The following MYO7B variants were observed in gnomAD, a reference collection of about 807,000 sequenced individuals.
MYO7B encodes unconventional myosin-VIIb.
In MYO7B, 212 loss-of-function variants were observed where a neutral mutation model predicts 259.7. The observed-to-expected ratio is 0.82, with a 90% confidence interval of 0.73 to 0.91. The LOEUF (loss-of-function observed/expected upper bound fraction) is 0.91, where lower values mean the gene tolerates loss of function less well. MYO7B is among the 40% of genes least tolerant of loss of function. The pLI is 0.00. For missense variants in MYO7B, 2,732 were observed against 2,813.5 expected, an observed-to-expected ratio of 0.97 and a Z score of 0.66; for synonymous variants, 1,197 against 1,166.4, an observed-to-expected ratio of 1.03 and a Z score of -0.54.
In MYO7B at chr2:127,608,769, G is replaced by T. The variant is rs373870541; in HGVS notation, c.2705G>T (p.Arg902Leu). The part of the protein sequence containing the change: ...KSQGALPAKK[R>L]RSIYDTVTDT... The stretch of plus-strand genomic sequence containing the variant: ...CAAGGCGCTCTCCCTGCCAAGAAGC[G>T]CAGATCCATCTACGACACCGTCACT... Residue 902 changes from arginine (R) to leucine (L), a missense_variant, in exon 22 of 48, where the codon CGC (arginine) becomes CTC (leucine). Arg to Leu is a moderately radical substitution (Grantham distance 102). This residue lies in a region of MYO7B where 1,906 missense variants were observed against 2,026.4 expected (regional missense o/e 0.94). Transcript: ENST00000409816. 6.2e-7 allele frequency: 1 copy of T among 1,613,566 alleles called. No individual in the cohort carries two copies. The highest frequency in any genetic ancestry group is 8.5e-7 in the Non-Finnish European group (1 of 1,179,842).
Position 127,633,263 on chromosome 2 carries a change from G to GGCCCCGGAAGCA in MYO7B, c.5417_5428dup (p.Arg1806_Pro1809dup), listed in dbSNP as rs1681618940. On this transcript the variant is annotated inframe_insertion, in exon 40 of 48. Transcript: ENST00000409816. The stretch of plus-strand genomic sequence containing the variant: ...GCACACGCTGTCCCCCTCAGGACGG[G>GGCCCCGGAAGCA]GCCCCGGAAGCAGCCCCCGCACCAG... The GGCCCCGGAAGCA allele has an allele frequency of 6.2e-7, 1 of 1,609,406 alleles. No individual in the cohort carries two copies. Among genetic ancestry groups the GGCCCCGGAAGCA allele is most frequent in the Non-Finnish European group, 8.5e-7 (1 of 1,178,616 alleles).
At chr2:127,602,295 T>C (rs1361326274) in intron 19 of MYO7B, among the ~76,000 whole-genome samples, 1 of 152,224 alleles carries the variant, frequency 6.6e-6, no homozygotes, top group Admixed American at 6.5e-5. Context: ...TATGTCCATT[T>C]ACCTTCTCTC....
intron 18 of MYO7B, among the ~76,000 whole-genome samples, chr2:127,594,147 G>A (rs1404926195): frequency 6.6e-6 from 1 of 152,256 alleles, no homozygotes; most frequent in African/African-American, 2.4e-5. Context: ...GCTTGTGCGA[G>A]CCTCACCACC....
At position 127,632,257 on chromosome 2, in the gene MYO7B, A is replaced by G. The variant is rs745307404; in HGVS notation, c.5261A>G (p.Glu1754Gly). ...LTHNSNRHSE[E>G]RGWQLLWLCT... The stretch of plus-strand genomic sequence containing the variant: ...GTGCTACCCTTCAGGCACAGCGAAG[A>G]GCGGGGCTGGCAGCTGCTGTGGCTG... The change falls in exon 39 of 48, where the codon GAG (glutamate) becomes GGG (glycine). Residue 1754 changes from glutamate (E) to glycine (G), a missense_variant. Physicochemically the swap from Glu to Gly is moderately conservative, Grantham distance 98. Transcript: ENST00000409816. 1 of 1,611,876 alleles carries G rather than the reference A, an allele frequency of 6.2e-7. No individual in the cohort carries two copies. Among genetic ancestry groups the G allele is most frequent in the Admixed American group, 1.7e-5 (1 of 59,918 alleles).
At chr2:127,637,295 A>AT in intron 47 of MYO7B, 21 bp from the exon 48 acceptor site, 3 of 1,483,856 alleles carry the variant, frequency 2.0e-6, no homozygotes, top group Non-Finnish European at 2.7e-6. Flanking sequence ...ACAGCCTCTG[A>AT]CCCCCCCGTC....
Position 127,577,699 on chromosome 2 carries a change from C to A in MYO7B, c.850-434C>A, listed in dbSNP as rs1441099213. On this transcript the variant is annotated intron_variant, in intron 8 of 47. Transcript: ENST00000409816. This position sits in a 1 kb window ranked among gnomAD's most constrained non-coding sequence, Gnocchi z 5.2. ...CACCTCTCGATAGGGCTGGCCCCGG[C>A]CCCTGTGGTCTGGGCACCTGTAACA... 6.6e-6 allele frequency among the ~76,000 whole-genome samples: 1 copy of A among 152,234 alleles called. No individual in the cohort carries two copies. Among genetic ancestry groups the A allele is most frequent in the Non-Finnish European group, 1.5e-5 (1 of 68,036 alleles).
In MYO7B at chr2:127,613,057, A is replaced by C. The variant is rs1375119813; in HGVS notation, c.3398+454A>C. On this transcript the variant is annotated intron_variant, in intron 26 of 47. Coordinates refer to ENST00000409816, the MANE Select transcript of MYO7B (RefSeq NM_001393586.1). The surrounding 1 kb of genome is among the most constrained non-coding windows in gnomAD (Gnocchi z 4.3). ...CCGAACATGCAGAGACTGATTGTTC[A>C]CTGCTTTAAGGGACTGACTACTGTG... 6.6e-6 allele frequency among the ~76,000 whole-genome samples: 1 copy of C among 152,246 alleles called. No homozygotes were observed. The highest frequency in any genetic ancestry group is 1.5e-5 in the Non-Finnish European group (1 of 68,044).
At chr2:127,618,147 C>T (rs2248754) in intron 26 of MYO7B, among the ~76,000 whole-genome samples, 50,496 of 152,054 alleles carry the variant, frequency 0.33, 8,856 homozygotes, top group South Asian at 0.55. Flanking sequence ...GTCCCTGTTA[C>T]GTCCCTGTCC....
intron 9 of MYO7B, among the ~76,000 whole-genome samples, chr2:127,578,543 C>A (rs1678976569): frequency 6.6e-6 from 1 of 152,174 alleles, no homozygotes; most frequent in Admixed American, 6.5e-5. Flanking sequence ...AGGGCTTCCC[C>A]CTTAAGGTTC....
rs1679234090 is a variant in MYO7B at position 127,584,720 on chromosome 2, C to T, written c.1555-58C>T. 2 of 1,596,494 alleles carry T rather than the reference C, an allele frequency of 1.3e-6. No individual in the cohort carries two copies. Among genetic ancestry groups the T allele is most frequent in the Non-Finnish European group, 1.7e-6 (2 of 1,169,648 alleles). ...CCTCCATGAGGAAGTCCCTGAGCCTCACCTCCCCATGGCTGGACTCTGGGA... is the reference window on the plus strand; with the variant it reads ...CCTCCATGAGGAAGTCCCTGAGCCTTACCTCCCCATGGCTGGACTCTGGGA... On this transcript the variant is annotated intron_variant, in intron 13 of 47. Coordinates refer to ENST00000409816, the MANE Select transcript of MYO7B (RefSeq NM_001393586.1). This position sits in a 1 kb window ranked among gnomAD's most constrained non-coding sequence, Gnocchi z 5.8.
In MYO7B at chr2:127,564,236, C is replaced by A. The variant is rs1424110726; in HGVS notation, c.102C>A (p.Gly34=). The change falls in exon 3 of 48, where the codon GGC becomes GGA. Residue 34 remains glycine (G), a synonymous_variant. Transcript: ENST00000409816. The part of the protein sequence containing the change: ...IGGIIKEAKP[G]KVLVEDDEGK... ...GCATCATCAAAGAGGCAAAGCCAGG[C>A]AAAGTCTTGGTTGAAGATGACGAGG... 3 of 1,579,420 alleles carry A rather than the reference C, an allele frequency of 1.9e-6. No homozygotes were observed. Among genetic ancestry groups the A allele is most frequent in the Admixed American group, 1.8e-5 (1 of 54,112 alleles).
At chr2:127,551,117 T>C (rs1693429578) in intron 1 of MYO7B, among the ~76,000 whole-genome samples, 1 of 152,064 alleles carries the variant, frequency 6.6e-6, no homozygotes, top group Non-Finnish European at 1.5e-5. Flanking sequence ...AAGTATATTC[T>C]CCACTGTTCT....
In MYO7B at chr2:127,580,954, C is replaced by T. The variant is rs375670085; in HGVS notation, c.1080+132C>T. ...CTTTCCCAGGGCCTATGCTCAAACC[C>T]CTCCCTTCTGTATACTGCAGGTGCC... is the stretch of plus-strand genomic sequence containing the variant. On this transcript the variant is annotated intron_variant, in intron 10 of 47. Transcript: ENST00000409816. The T allele has an allele frequency of 1.2e-5, 11 of 899,954 alleles. No homozygotes were observed. The African/African-American group carries it at 1.5e-4, about 12-fold the overall frequency. 55.7% of individuals were successfully genotyped at this position (899,954 alleles called of 1,614,324 possible).
At chr2:127,558,527 C>T (rs545887811) in intron 1 of MYO7B, among the ~76,000 whole-genome samples, 5 of 152,206 alleles carry the variant, frequency 3.3e-5, no homozygotes, top group South Asian at 2.1e-4. Flanking sequence ...ACTCACTATT[C>T]GAAAAGATAC....
At position 127,612,603 on chromosome 2, in the gene MYO7B, G is replaced by C; in HGVS notation, c.3398G>C (p.Arg1133Thr). ...VGYAILRPSL[R>T]DEIYCQICKQ... ...TACGCCATCCTGCGGCCCAGCCTCA[G>C]GTCAGTTCCCACTCCCATCCCGGCC... Residue 1133 changes from arginine (R) to threonine (T), a missense_variant and splice_region_variant, in exon 26 of 48, where the codon AGG (arginine) becomes ACG (threonine). Arg to Thr is a moderately conservative substitution (Grantham distance 71). Transcript: ENST00000409816. 6.2e-7 allele frequency: 1 copy of C among 1,610,124 alleles called. No individual in the cohort carries two copies. The highest frequency in any genetic ancestry group is 8.5e-7 in the Non-Finnish European group (1 of 1,178,864).
intron 1 of MYO7B, among the ~76,000 whole-genome samples, chr2:127,548,733 C>T (rs951608998): frequency 9.2e-5 from 14 of 152,124 alleles, no homozygotes; most frequent in Non-Finnish European, 7.4e-5. Context: ...TTTAACTATG[C>T]ATTCAGCACT....
chr2:127,555,754 G>A (rs931290703), intron 1 of MYO7B, among the ~76,000 whole-genome samples: 4 of 152,140 alleles, frequency 2.6e-5, no homozygotes, highest in African/African-American at 9.7e-5. Flanking sequence ...ACTGTGGTCT[G>A]AGAGAGTACT....
At chr2:127,543,783 C>T (rs972766780) in intron 1 of MYO7B, among the ~76,000 whole-genome samples, 6 of 151,644 alleles carry the variant, frequency 4.0e-5, no homozygotes, top group African/African-American at 1.2e-4. Flanking sequence ...CTCGCTGTGT[C>T]ACCCAGGCTG....
intron 1 of MYO7B, among the ~76,000 whole-genome samples, chr2:127,543,118 A>G (rs987251406): frequency 1.3e-5 from 2 of 152,024 alleles, no homozygotes; most frequent in Non-Finnish European, 2.9e-5. Flanking sequence ...CTCAGCACAG[A>G]CCCTTTACGG....
Sources: gnomAD v4.1 joint callset for allele counts (sites outside exome capture counted in the v4.1 genomes callset) on GRCh38, gnomAD v4.1.1 for gene constraint, gnomAD v4.1.1 regional missense constraint, Gnocchi (gnomAD v3.1) non-coding constraint, MANE v1.5 for transcripts, NCBI Gene and HGNC (gene_info 2026-07-23, HGNC 2026-07-21) for gene names.